Variants in LAMA4 observed in about 807,000 individuals in gnomAD.
LAMA4 encodes laminin subunit alpha 4.
A neutral mutation model predicts 207.1 loss-of-function variants in LAMA4; 127 were observed. That is an observed-to-expected ratio of 0.61 (90% CI 0.53 to 0.71). The LOEUF is 0.71. Ranked by LOEUF, LAMA4 falls within the 30% of genes least tolerant of loss-of-function variation. LAMA4 has a pLI of 0.00. For missense variants in LAMA4, 2,093 were observed against 2,246.5 expected, an observed-to-expected ratio of 0.93 and a Z score of 1.38; for synonymous variants, 761 against 816.0, an observed-to-expected ratio of 0.93 and a Z score of 1.15.
chr6:112,240,817 A>T (rs1012100755), intron 2 of LAMA4, among the ~76,000 whole-genome samples: 1 of 151,960 alleles, frequency 6.6e-6, no homozygotes, highest in Non-Finnish European at 1.5e-5. Flanking sequence ...TTGCCTCCAA[A>T]TCTTTGCTAT....
chr6:112,200,168 G>C (rs782676045), intron 5 of LAMA4: 1 of 533,178 alleles, frequency 1.9e-6, no homozygotes, highest in South Asian at 1.4e-5. Context: ...GTGCTCTGTG[G>C]AGAAGGCCTT....
chr6:112,139,086 AAGG>A (rs782577706), intron 24 of LAMA4, 31 bp downstream of exon 24: 1 of 1,600,084 alleles, frequency 6.2e-7, no homozygotes, highest in Non-Finnish European at 8.6e-7. Flanking sequence ...AAAGGAAATA[AAGG>A]AGAAGTAGTA....
intron 5 of LAMA4, among the ~76,000 whole-genome samples, chr6:112,192,147 T>C (rs931591218): frequency 1.3e-5 from 2 of 152,338 alleles, no homozygotes; most frequent in Admixed American, 6.5e-5. Context: ...ACAAATGATA[T>C]ATGATGGGTG....
intron 17 of LAMA4, 59 bp from the exon 18 acceptor site, chr6:112,148,395 C>T (rs1780166767): frequency 3.2e-6 from 5 of 1,552,516 alleles, no homozygotes; most frequent in Admixed American, 3.3e-5. Flanking sequence ...TGTTGGGGAA[C>T]ATTAACACCC....
intron 6 of LAMA4, among the ~76,000 whole-genome samples, chr6:112,190,131 G>A (rs1486139198): frequency 6.6e-6 from 1 of 152,190 alleles, no homozygotes; most frequent in Non-Finnish European, 1.5e-5. Flanking sequence ...GCAAGATCAT[G>A]CTTTATTGCT....
chr6:112,135,199 C>T (rs1779268855), intron 25 of LAMA4, among the ~76,000 whole-genome samples: 2 of 152,092 alleles, frequency 1.3e-5, no homozygotes, highest in Admixed American at 1.3e-4. Flanking sequence ...CTATAGGCTC[C>T]ATGCTGTACA....
intron 2 of LAMA4, among the ~76,000 whole-genome samples, chr6:112,220,101 C>A (rs1398059147): frequency 2.0e-5 from 3 of 152,062 alleles, no homozygotes; most frequent in African/African-American, 7.2e-5. Flanking sequence ...CTAATAGACA[C>A]AATACTTAAA....
chr6:112,168,439 G>A (rs148242580), intron 12 of LAMA4, among the ~76,000 whole-genome samples: 144 of 147,386 alleles, frequency 9.8e-4, no homozygotes, highest in Non-Finnish European at 1.6e-3. Flanking sequence ...GCTGCCTCCC[G>A]GACTCAAGCA....
intron 8 of LAMA4, chr6:112,186,943 G>A (rs1205781307): frequency 4.7e-5 from 21 of 450,286 alleles, no homozygotes; most frequent in East Asian, 2.8e-4. Context: ...GAATGTCTGC[G>A]TTTGACTGTG....
In LAMA4 at chr6:112,224,030, A is replaced by C. The variant is rs559349427; in HGVS notation, c.196-7561T>G. ...TACTCTTTTCACTATAGGAAAGAGA[A>C]GCCTTCTATCTGTGCTCTGGGATCC... On this transcript the variant is annotated intron_variant, in intron 2 of 38. Coordinates refer to ENST00000230538, the MANE Select transcript of LAMA4 (RefSeq NM_001105206.3). Among the ~76,000 whole-genome samples, 30 of 152,304 alleles carry C rather than the reference A, an allele frequency of 2.0e-4. No homozygotes were observed. In the South Asian group the frequency reaches 5.2e-3, roughly 26 times the overall value.
rs186418372 is a variant in LAMA4 at position 112,184,762 on chromosome 6, G to A, written c.1077+475C>T. Among the ~76,000 whole-genome samples, 74 of 152,268 alleles carry A rather than the reference G, an allele frequency of 4.9e-4. 2 individuals are homozygous for A. The highest frequency in any genetic ancestry group is 1.7e-3 in the African/African-American group (72 of 41,574). ...AATTTATTTTAGTCTGTGGTATAAA[G>A]TGATGGTTGAAAGTGGTTTTTTCCC... On this transcript the variant is annotated intron_variant, in intron 9 of 38. Coordinates refer to ENST00000230538, the MANE Select transcript of LAMA4 (RefSeq NM_001105206.3).
chr6:112,177,964 CT>C (rs1554344309), intron 10 of LAMA4, among the ~76,000 whole-genome samples, 156 bp downstream of exon 10: 2 of 152,148 alleles, frequency 1.3e-5, no homozygotes, highest in Non-Finnish European at 2.9e-5. Context: ...GATAAACAAA[CT>C]TGAAATGAAG....
chr6:112,231,914 G>A (rs1321625393), intron 2 of LAMA4, among the ~76,000 whole-genome samples: 2 of 152,132 alleles, frequency 1.3e-5, no homozygotes, highest in Non-Finnish European at 2.9e-5. Flanking sequence ...ATTGTGTGTT[G>A]AACTCCCACT....
intron 4 of LAMA4, among the ~76,000 whole-genome samples, chr6:112,202,231 A>T (rs1554352789): frequency 2.0e-5 from 3 of 152,208 alleles, no homozygotes; most frequent in African/African-American, 7.2e-5. Flanking sequence ...AGGACCCACC[A>T]TAAAAGGATT....
chr6:112,220,755 C>G (rs1784880655), intron 2 of LAMA4, among the ~76,000 whole-genome samples: 1 of 152,086 alleles, frequency 6.6e-6, no homozygotes, highest in Admixed American at 6.6e-5. Context: ...TAAACATTTT[C>G]TAAAAATATT....
At position 112,240,265 on chromosome 6, in the gene LAMA4, A is replaced by T. The variant is rs529566214; in HGVS notation, c.195+13691T>A. Among the ~76,000 whole-genome samples, 366 of 151,914 alleles carry T rather than the reference A, an allele frequency of 2.4e-3. 1 individual carries two copies. Among genetic ancestry groups the T allele is most frequent in the African/African-American group, 8.2e-3 (339 of 41,418 alleles). On this transcript the variant is annotated intron_variant, in intron 2 of 38. Transcript: ENST00000230538. ...TATTTTTAATCTTTGTATTTTTTTT[A>T]AAATTGTTGTGGGTAAATAGTAGGT...
chr6:112,124,480 G>A (rs587770304), intron 31 of LAMA4, among the ~76,000 whole-genome samples: 5 of 152,240 alleles, frequency 3.3e-5, no homozygotes, highest in African/African-American at 1.2e-4. Flanking sequence ...TCTTAGTAAT[G>A]ATAAAATAGC....
At chr6:112,203,187 G>A (rs1458218766) in intron 4 of LAMA4, among the ~76,000 whole-genome samples, 2 of 152,098 alleles carry the variant, frequency 1.3e-5, no homozygotes, top group Admixed American at 6.6e-5. Flanking sequence ...AAAACACTGC[G>A]TCTCTCTCAG....
intron 8 of LAMA4, 25 bp from the exon 9 acceptor site, chr6:112,185,372 T>C (rs1554346387): frequency 7.4e-7 from 1 of 1,345,300 alleles, no homozygotes; most frequent in Admixed American, 1.7e-5. Flanking sequence ...GTTTTGAGAA[T>C]AGTCAATGGG....
Sources: allele counts gnomAD v4.1 joint callset (sites outside exome capture counted in the v4.1 genomes callset), GRCh38; gene constraint gnomAD v4.1.1; transcripts MANE v1.5; gene names NCBI Gene and HGNC (gene_info 2026-07-23, HGNC 2026-07-21).